TNS1: variants seen among roughly 807,000 people sequenced by gnomAD.
TNS1 encodes the protein tensin-1.
Under a neutral mutation model 168.6 loss-of-function variants are expected in TNS1, and 62 were observed. The observed-to-expected ratio is 0.37, with a 90% CI of 0.30 to 0.45. The LOEUF (loss-of-function observed/expected upper bound fraction) is 0.45, where lower values mean the gene tolerates loss of function less well. TNS1 is among the 20% of genes least tolerant of loss of function. TNS1 has a pLI of 1.00. For missense variants in TNS1, 2,240 were observed against 2,339.4 expected (o/e 0.96, Z 0.88); for synonymous variants, 934 against 933.2 (o/e 1.00, Z -0.02).
chr2:217,848,659 C>T lies in TNS1; in HGVS notation c.1858G>A (p.Glu620Lys). The change falls in exon 19 of 33, where the codon GAG (glutamate) becomes AAG (lysine). Residue 620 changes from glutamate (E) to lysine (K), a missense_variant. Physicochemically the swap from Glu to Lys is moderately conservative, Grantham distance 56 (BLOSUM62 1). Around this residue, in one of 2 missense-constraint regions of TNS1, gnomAD observed 2,131 missense variants for 2,171.2 expected, o/e 0.98. Coordinates refer to ENST00000682258, the MANE Select transcript of TNS1 (RefSeq NM_001387777.1). ...TCGTCCAGGATGTCTGTCTCCCGCT[C>T]AGATGCTAACGCCCCACCATTGACA... Reference protein sequence around the residue: ...VHVNGGALASERETDILDDEL... With the variant: ...VHVNGGALASKRETDILDDEL... 6.2e-7 allele frequency: 1 copy of T among 1,614,236 alleles called. No homozygotes were observed. Among genetic ancestry groups the T allele is most frequent in the Non-Finnish European group, 8.5e-7 (1 of 1,180,040 alleles).
At chr2:217,810,789 T>G (rs1010048707) in intron 28 of TNS1, among the ~76,000 whole-genome samples, 2 of 152,206 alleles carry the variant, frequency 1.3e-5, no homozygotes, top group Non-Finnish European at 2.9e-5. Context: ...ATTTCAATAT[T>G]AATAAGAATT....
At chr2:217,831,231 G>A (rs1283342958) in intron 22 of TNS1, among the ~76,000 whole-genome samples, 1 of 152,198 alleles carries the variant, frequency 6.6e-6, no homozygotes, top group Non-Finnish European at 1.5e-5. Context: ...CCTCAAGCTA[G>A]AGGAGGCTGG....
Position 217,810,011 on chromosome 2 carries a change from G to C in TNS1, c.5105-20C>G. The C allele has an allele frequency of 3.1e-6, 5 of 1,605,572 alleles. No individual in the cohort carries two copies. Among genetic ancestry groups the C allele is most frequent in the Non-Finnish European group, 4.3e-6 (5 of 1,173,486 alleles). Reference sequence around the variant, plus strand: ...TGCAGGCTGGAAGAAACCAACCCAAGGGGGAGTCATGGGAGCTGGCGTGGG... The same window carrying C: ...TGCAGGCTGGAAGAAACCAACCCAACGGGGAGTCATGGGAGCTGGCGTGGG... On this transcript the variant is annotated intron_variant, in intron 29 of 32. Coordinates refer to ENST00000682258, the MANE Select transcript of TNS1 (RefSeq NM_001387777.1).
chr2:217,895,187 G>A (rs1323378824), intron 8 of TNS1, 131 bp from the exon 9 acceptor site: 32 of 887,680 alleles, frequency 3.6e-5, no homozygotes, highest in South Asian at 1.3e-4. Context: ...AAGAGCCCAC[G>A]ACAGCATCCA....
At chr2:218,029,224 G>C (rs531907316) in intron 1 of TNS1, among the ~76,000 whole-genome samples, 1 of 67,118 alleles carries the variant, frequency 1.5e-5, no homozygotes, top group East Asian at 2.5e-4. Context: ...GCACAAGGCC[G>C]GGGGGCAAGT....
At chr2:218,020,341 C>G (rs2106008514) in intron 1 of TNS1, among the ~76,000 whole-genome samples, 1 of 152,236 alleles carries the variant, frequency 6.6e-6, no homozygotes, top group African/African-American at 2.4e-5. Flanking sequence ...CCTGGCTCAG[C>G]AGGGGACCTA....
At chr2:217,820,599 G>A (rs941277495) in intron 23 of TNS1, among the ~76,000 whole-genome samples, 6 of 152,168 alleles carry the variant, frequency 3.9e-5, no homozygotes, top group African/African-American at 1.4e-4. Context: ...GCTAGGGAGG[G>A]CAGTGGGCAC....
chr2:218,007,470 C>G (rs563352076), upstream of TNS1, among the ~76,000 whole-genome samples: 1 of 149,722 alleles, frequency 6.7e-6, no homozygotes, highest in African/African-American at 2.5e-5. Context: ...TACAGCAATA[C>G]GGCCACCCCA....
chr2:217,913,905 G>C (rs1954708034), intron 4 of TNS1, among the ~76,000 whole-genome samples: 1 of 152,082 alleles, frequency 6.6e-6, no homozygotes, highest in Non-Finnish European at 1.5e-5. Flanking sequence ...ACCAAGGGTT[G>C]TTTGGGCCCT....
chr2:217,989,953 ACGC>A (rs1958312062), intron 2 of TNS1, among the ~76,000 whole-genome samples: 2 of 151,062 alleles, frequency 1.3e-5, no homozygotes, highest in African/African-American at 4.9e-5. Context: ...CATCATCCTC[ACGC>A]CATCCACACA....
At chr2:218,019,451 C>G (rs1958788312) in intron 1 of TNS1, among the ~76,000 whole-genome samples, 1 of 152,174 alleles carries the variant, frequency 6.6e-6, no homozygotes, top group Admixed American at 6.5e-5. Flanking sequence ...GTAGGAACTA[C>G]CCCTAATCCT....
chr2:217,941,275 C>T lies in TNS1; in HGVS notation c.187-21039G>A, dbSNP rs186411118. ...TCCTTGCACACCAGCCCCAGAGCCC[C>T]TCAACAGGGAACATGGGCTCTAACT... On this transcript the variant is annotated intron_variant, in intron 3 of 32. Transcript: ENST00000682258. Among the ~76,000 whole-genome samples, 43 of 152,344 alleles carry T rather than the reference C, an allele frequency of 2.8e-4. No individual in the cohort carries two copies. In the East Asian group the frequency reaches 7.7e-3, roughly 27 times the overall value.
At chr2:217,829,961 A>T in intron 22 of TNS1, 1 of 1,581,448 alleles carries the variant, frequency 6.3e-7, no homozygotes, top group Admixed American at 1.9e-5. Flanking sequence ...GGAAGAGCAA[A>T]AAAGGAAAAA....
intron 3 of TNS1, among the ~76,000 whole-genome samples, chr2:217,977,730 AC>A (rs1385197491): frequency 6.6e-6 from 1 of 152,226 alleles, no homozygotes; most frequent in African/African-American, 2.4e-5. Flanking sequence ...GCCCAAGGCC[AC>A]CCAGCTAATA....
intron 18 of TNS1, among the ~76,000 whole-genome samples, chr2:217,854,676 C>T (rs192281936): frequency 2.6e-5 from 4 of 152,318 alleles, no homozygotes; most frequent in East Asian, 1.9e-4. Context: ...AGAAGTGAAG[C>T]TTGGCCAAGA....
chr2:217,964,137 C>G lies in TNS1; in HGVS notation c.186+14628G>C, dbSNP rs116720198. ...GCAAAACATGACAAGCCAGTTTACA[C>G]TCACTTCCTCCACCCAACCCAACTG... On this transcript the variant is annotated intron_variant, in intron 3 of 32. Transcript: ENST00000682258. 3.3e-3 allele frequency among the ~76,000 whole-genome samples: 509 copies of G among 152,338 alleles called. 3 individuals carry two copies. Among genetic ancestry groups the G allele is most frequent in the African/African-American group, 0.012 (478 of 41,564 alleles).
At chr2:217,857,610 C>G (rs16858390) in intron 18 of TNS1, among the ~76,000 whole-genome samples, 2,229 of 152,328 alleles carry the variant, frequency 0.015, 46 homozygotes, top group African/African-American at 0.051. Context: ...ATACCATGCC[C>G]TCCATAAAAA....
At chr2:217,954,171 C>T (rs933843105) in intron 3 of TNS1, among the ~76,000 whole-genome samples, 1 of 152,146 alleles carries the variant, frequency 6.6e-6, no homozygotes, top group African/African-American at 2.4e-5. Flanking sequence ...GAGGCAGTGC[C>T]GCATGTGGAA....
chr2:217,812,330 A>C, intron 28 of TNS1, 38 bp downstream of exon 28: 1 of 1,577,824 alleles, frequency 6.3e-7, no homozygotes, highest in Middle Eastern at 1.7e-4. Context: ...GGCCAGCTCA[A>C]GGGTGTGGGT....
Sources: gnomAD v4.1 joint callset for allele counts (sites outside exome capture counted in the v4.1 genomes callset) on GRCh38, gnomAD v4.1.1 for gene constraint, gnomAD v4.1.1 regional missense constraint, MANE v1.5 for transcripts, NCBI Gene and HGNC (gene_info 2026-07-23, HGNC 2026-07-21) for gene names.